Variants in PEG3 observed in about 807,000 individuals in gnomAD.
The protein encoded by PEG3 is paternally expressed 3, also known as paternally-expressed gene 3 protein.
In PEG3, 23 loss-of-function variants were observed where a neutral mutation model predicts 35.5. The ratio of observed to expected loss-of-function variants is 0.65; its 90% CI spans 0.47 to 0.92. The LOEUF (loss-of-function observed/expected upper bound fraction) is 0.92, where lower values mean the gene tolerates loss of function less well. Ranked by LOEUF, PEG3 falls within the 40% of genes least tolerant of loss-of-function variation. The probability of loss-of-function intolerance (pLI) is 0.00; values close to 1 mark genes in which losing one functional copy is unlikely to be tolerated. For synonymous variants in PEG3, 707 were observed against 697.0 expected, an observed-to-expected ratio of 1.01 and a Z score of -0.23; for missense variants, 1,960 against 1,985.3, an observed-to-expected ratio of 0.99 and a Z score of 0.24.
chr19:56,832,622 A>G (rs2061682850), intron 2 of PEG3, among the ~76,000 whole-genome samples: 1 of 152,222 alleles, frequency 6.6e-6, no homozygotes, highest in South Asian at 2.1e-4. Flanking sequence ...CACAAGGGCT[A>G]GCTGACTCTG....
Position 56,816,568 on chromosome 19 carries a change from T to C in PEG3, c.1874A>G (p.Lys625Arg). Residue 625 changes from lysine to arginine, a missense_variant, in exon 10 of 10, where the codon AAA becomes AGA. By Grantham distance (26) the Lys-to-Arg change is conservative. Transcript: ENST00000326441. ...NEFQKMYGKEKMYECKVCGET... is the reference protein window; with the variant it reads ...NEFQKMYGKERMYECKVCGET... The stretch of plus-strand genomic sequence containing the variant: ...CCCACACACCTTACATTCGTACATT[T>C]TCTCTTTACCATACATTTTCTGAAA... 1.9e-6 allele frequency: 3 copies of C among 1,614,068 alleles called. No individual in the cohort carries two copies. The highest frequency in any genetic ancestry group is 2.5e-6 in the Non-Finnish European group (3 of 1,179,996).
At chr19:56,828,650 G>T (rs1239122574) in intron 2 of PEG3, among the ~76,000 whole-genome samples, 2 of 152,030 alleles carry the variant, frequency 1.3e-5, no homozygotes, top group Non-Finnish European at 2.9e-5. Context: ...AAAGGGAGGG[G>T]GAAAAGTATT....
At chr19:56,826,782 G>A (rs1601127627) in intron 2 of PEG3, among the ~76,000 whole-genome samples, 1 of 152,292 alleles carries the variant, frequency 6.6e-6, no homozygotes. Context: ...ATTATTCTAT[G>A]CAGTTCTACT....
chr19:56,824,634 A>G lies in PEG3; in HGVS notation c.22T>C (p.Ser8Pro), dbSNP rs766306034. 15 of 1,604,048 alleles carry G rather than the reference A, an allele frequency of 9.4e-6. No individual in the cohort carries two copies. The highest frequency in any genetic ancestry group is 1.3e-5 in the Non-Finnish European group (15 of 1,172,364). The change falls in exon 4 of 10, where the codon TCT (serine) becomes CCT (proline). Residue 8 changes from serine to proline, a missense_variant. By Grantham distance (74) the Ser-to-Pro change is moderately conservative. Coordinates refer to ENST00000326441, the MANE Select transcript of PEG3 (RefSeq NM_006210.3). Reference sequence around the variant, plus strand: ...CAGGACTTCTTAGGTTTGGTGGCAGACAAGTGCTTTGGAGGCAGCATTTCT... The same window carrying G: ...CAGGACTTCTTAGGTTTGGTGGCAGGCAAGTGCTTTGGAGGCAGCATTTCT... MLPPKHL[S>P]ATKPKKSWAP... is the part of the protein sequence containing the mutation.
chr19:56,814,703 G>C lies in PEG3; in HGVS notation c.3739C>G (p.His1247Asp), dbSNP rs771399310. The C allele has an allele frequency of 1.2e-6, 2 of 1,614,010 alleles. No individual in the cohort carries two copies. Among genetic ancestry groups the C allele is most frequent in the Non-Finnish European group, 1.7e-6 (2 of 1,179,964 alleles). The change falls in exon 10 of 10, where the codon CAT becomes GAT. Residue 1247 changes from histidine (H) to aspartate (D), a missense_variant. By Grantham distance (81) the His-to-Asp change is moderately conservative. This residue lies in a region of PEG3 where 124 missense variants were observed against 179.6 expected (regional missense o/e 0.69). Coordinates refer to ENST00000326441, the MANE Select transcript of PEG3 (RefSeq NM_006210.3). This position sits in a 1 kb window ranked among gnomAD's most constrained non-coding sequence, Gnocchi z 5.8. ...TGCTCCAGTAAATCATCTTCCCTAT[G>C]AAGTCTCATATGCTCATTAAGGGCA... Reference protein sequence around the residue: ...SSALNEHMRLHREDDLLEQSQ... With the variant: ...SSALNEHMRLDREDDLLEQSQ...
Position 56,817,389 on chromosome 19 carries a change from G to A in PEG3, c.1053C>T (p.Asp351=), listed in dbSNP as rs752575355. The change falls in exon 10 of 10, where the codon GAC becomes GAT. Residue 351 remains aspartate (D), a synonymous_variant. Coordinates refer to ENST00000326441, the MANE Select transcript of PEG3 (RefSeq NM_006210.3). Reference sequence around the variant, plus strand: ...CTGACTCCCTCTTGTTCAATGAAATGTCCTTCCAGTTATCATCTGACATTC... The same window carrying A: ...CTGACTCCCTCTTGTTCAATGAAATATCCTTCCAGTTATCATCTGACATTC... The part of the protein sequence containing the change: ...FPRMSDDNWK[D]ISLNKRESVI... The A allele has an allele frequency of 1.9e-6, 3 of 1,613,846 alleles. No individual in the cohort carries two copies. Among genetic ancestry groups the A allele is most frequent in the Non-Finnish European group, 1.7e-6 (2 of 1,179,932 alleles).
intron 5 of PEG3, among the ~76,000 whole-genome samples, chr19:56,823,357 C>T (rs974908389): frequency 1.3e-5 from 2 of 152,198 alleles, no homozygotes; most frequent in Non-Finnish European, 2.9e-5. Flanking sequence ...TTCCAAATAG[C>T]TTTATATACT....
At chr19:56,838,973 C>G (rs1046178705) in intron 1 of PEG3, among the ~76,000 whole-genome samples, 3 of 151,920 alleles carry the variant, frequency 2.0e-5, no homozygotes, top group Non-Finnish European at 2.9e-5. Context: ...CCACTTCAGC[C>G]TTGCCCCGCC....
intron 2 of PEG3, among the ~76,000 whole-genome samples, chr19:56,828,311 T>G (rs112085140): frequency 6.6e-6 from 1 of 152,234 alleles, no homozygotes; most frequent in Non-Finnish European, 1.5e-5. Flanking sequence ...TAAATACTTA[T>G]GATATTGCAG....
intron 8 of PEG3, 109 bp from the exon 9 acceptor site, chr19:56,817,944 C>T: frequency 1.3e-6 from 1 of 795,602 alleles, no homozygotes. Context: ...TGAGGTGGCC[C>T]ACATCTGATT....
chr19:56,822,582 TG>T, intron 6 of PEG3, 170 bp downstream of exon 6: 2 of 764,800 alleles, frequency 2.6e-6, no homozygotes, highest in South Asian at 3.6e-5. Flanking sequence ...CCTGTGCTGG[TG>T]GTACCGAGTG....
At chr19:56,819,942 G>T (rs2060321997) in intron 7 of PEG3, among the ~76,000 whole-genome samples, 1 of 152,178 alleles carries the variant, frequency 6.6e-6, no homozygotes, top group East Asian at 1.9e-4. Flanking sequence ...TGAACTGCCT[G>T]TGTCCTGCCA....
rs1455570184 is a variant in PEG3 at position 56,815,485 on chromosome 19, TCA to T, written c.2955_2956del (p.Glu986AlafsTer6). 6.2e-7 allele frequency: 1 copy of T among 1,614,066 alleles called. No individual in the cohort carries two copies. The highest frequency in any genetic ancestry group is 8.5e-7 in the Non-Finnish European group (1 of 1,180,026). On this transcript the variant is annotated frameshift_variant, in exon 10 of 10. Coordinates refer to ENST00000326441, the MANE Select transcript of PEG3 (RefSeq NM_006210.3). LOFTEE classifies it low-confidence loss of function (END_TRUNC). ...CTCCCTATCATGAATCTTCTGGTGC[TCA>T]GTGAGGTCAGAGCTATGAGCAAAGC...
At chr19:56,830,714 C>T (rs1325702659) in intron 2 of PEG3, among the ~76,000 whole-genome samples, 6 of 152,092 alleles carry the variant, frequency 3.9e-5, no homozygotes, top group Admixed American at 3.9e-4. Flanking sequence ...AATAAATCTC[C>T]ATAAATAAAT....
At chr19:56,817,668 G>A in intron 9 of PEG3, 78 bp downstream of exon 9, 1 of 1,531,456 alleles carries the variant, frequency 6.5e-7, no homozygotes. Flanking sequence ...GTGATGTTTA[G>A]GAATGCAAAG....
intron 1 of PEG3, 40 bp downstream of exon 1, chr19:56,840,542 G>A (rs1035886244): frequency 6.6e-6 from 1 of 152,322 alleles, no homozygotes; most frequent in Non-Finnish European, 1.5e-5. Context: ...CCAAGGTCCC[G>A]CGGGCAGGAG....
intron 2 of PEG3, among the ~76,000 whole-genome samples, chr19:56,834,155 T>G (rs373281718): frequency 6.6e-6 from 1 of 152,140 alleles, no homozygotes; most frequent in Non-Finnish European, 1.5e-5. Flanking sequence ...AATTGGCTCA[T>G]CTGATTTTTT....
rs540601646 is a variant in PEG3, at chr19:56,820,607, G to A, written c.669+1044C>T. Among the ~76,000 whole-genome samples the A allele has an allele frequency of 7.4e-4, 112 of 152,182 alleles. 1 individual carries two copies. Among genetic ancestry groups the A allele is most frequent in the African/African-American group, 1.7e-3 (70 of 41,522 alleles). Reference sequence around the variant, plus strand: ...GGTCCCCTCCCCCAACACCTGACCCGGCGTGCTCCTGGCTCTAAATGGCAA... The same window carrying A: ...GGTCCCCTCCCCCAACACCTGACCCAGCGTGCTCCTGGCTCTAAATGGCAA... On this transcript the variant is annotated intron_variant, in intron 7 of 9. Transcript: ENST00000326441.
chr19:56,826,981 T>C (rs866229073), intron 2 of PEG3, among the ~76,000 whole-genome samples: 2 of 152,130 alleles, frequency 1.3e-5, no homozygotes, highest in Admixed American at 1.3e-4. Context: ...TAGAGTTCAA[T>C]AGGAAACCAA....
Sources: allele counts gnomAD v4.1 joint callset (sites outside exome capture counted in the v4.1 genomes callset), GRCh38; gene constraint gnomAD v4.1.1; regional missense constraint gnomAD v4.1.1; non-coding constraint Gnocchi (gnomAD v3.1); transcripts MANE v1.5; gene names NCBI Gene and HGNC (gene_info 2026-07-23, HGNC 2026-07-21).